Variants in COL22A1 observed in about 807,000 individuals in gnomAD.
The protein encoded by COL22A1 is collagen type XXII alpha 1 chain.
Under a neutral mutation model 248.9 loss-of-function variants are expected in COL22A1, and 221 were observed. The ratio of observed to expected loss-of-function variants is 0.89; its 90% CI spans 0.80 to 0.99. The LOEUF is 0.99. Ranked by LOEUF, COL22A1 falls within the 50% of genes least tolerant of loss-of-function variation. The pLI is 0.00. For synonymous variants in COL22A1, 891 were observed against 793.4 expected (o/e 1.12, Z -2.07); for missense variants, 2,240 against 2,179.0 (o/e 1.03, Z -0.56).
intron 30 of COL22A1, among the ~76,000 whole-genome samples, chr8:138,714,730 A>T (rs1417500859): frequency 6.6e-6 from 1 of 152,154 alleles, no homozygotes; most frequent in Non-Finnish European, 1.5e-5. Context: ...ATGCCAACGA[A>T]GCCTCTCTGT....
intron 28 of COL22A1, 69 bp from the exon 29 acceptor site, chr8:138,716,358 T>C (rs1406690060): frequency 4.7e-6 from 5 of 1,074,780 alleles, no homozygotes; most frequent in Non-Finnish European, 6.9e-6. Flanking sequence ...GCAGGCCATG[T>C]GCTCTCAGTT....
At chr8:138,886,956 G>A (rs1389459290) in intron 1 of COL22A1, among the ~76,000 whole-genome samples, 1 of 151,964 alleles carries the variant, frequency 6.6e-6, no homozygotes, top group African/African-American at 2.4e-5. Context: ...ATGTATTTAT[G>A]GGGTACATGA....
intron 32 of COL22A1, among the ~76,000 whole-genome samples, chr8:138,695,938 A>G (rs1586482694): frequency 6.6e-6 from 1 of 151,988 alleles, no homozygotes; most frequent in South Asian, 2.1e-4. Context: ...TCAGCTTCAG[A>G]CCCATACAGC....
chr8:138,690,759 G>A lies in COL22A1; in HGVS notation c.2808+62C>T, dbSNP rs935851372. Reference sequence around the variant, plus strand: ...ATGTATCCTACGCCTCTGGCTTTTGGGGAGGATACATTAACTAGCTTGGTG... The same window carrying A: ...ATGTATCCTACGCCTCTGGCTTTTGAGGAGGATACATTAACTAGCTTGGTG... On this transcript the variant is annotated intron_variant, in intron 36 of 64. Coordinates refer to ENST00000303045, the MANE Select transcript of COL22A1 (RefSeq NM_152888.3). 4 of 1,373,576 alleles carry A rather than the reference G, an allele frequency of 2.9e-6. No homozygotes were observed. The African/African-American group carries it at 4.3e-5, about 15-fold the overall frequency. The allele number at this position is 1,373,576 out of a possible 1,614,324, so 85.1% of individuals were successfully genotyped here. A position where few individuals can be genotyped will look rare whatever the true frequency, so the allele number is the denominator to read the frequency against.
chr8:138,589,417 C>T lies in COL22A1; in HGVS notation c.4717G>A (p.Ala1573Thr). 1 of 1,577,250 alleles carries T rather than the reference C, an allele frequency of 6.3e-7. No individual in the cohort carries two copies. The highest frequency in any genetic ancestry group is 8.6e-7 in the Non-Finnish European group (1 of 1,162,898). ...IPGQPGEPGYAKDGLPGIPGP... is the reference protein window; with the variant it reads ...IPGQPGEPGYTKDGLPGIPGP... ...GGGATCCCAGGAAGTCCATCTTTAG[C>T]ATAGCCAGGTTCCCCGGGTTGACCT... Residue 1573 changes from alanine to threonine, a missense_variant, in exon 65 of 65, where the codon GCT (alanine) becomes ACT (threonine). Coordinates refer to ENST00000303045, the MANE Select transcript of COL22A1 (RefSeq NM_152888.3).
Position 138,877,938 on chromosome 8 carries a change from A to G in COL22A1, c.470T>C (p.Leu157Pro). Residue 157 changes from leucine to proline, a missense_variant, in exon 3 of 65, where the codon CTG becomes CCG. By Grantham distance (98) the Leu-to-Pro change is moderately conservative (BLOSUM62 -3). Transcript: ENST00000303045. The part of the protein sequence containing the change: ...ILLTDGRSQD[L>P]VLDAAAAAHR... ...GGCTGCCGCCGCGGCGTCCAGCACC[A>G]GGTCCTGGCTGCGGCCGTCGGTGAG... 1 of 1,603,912 alleles carries G rather than the reference A, an allele frequency of 6.2e-7. No individual in the cohort carries two copies. Among genetic ancestry groups the G allele is most frequent in the Non-Finnish European group, 8.5e-7 (1 of 1,175,058 alleles).
intron 56 of COL22A1, among the ~76,000 whole-genome samples, chr8:138,609,906 C>T (rs1475585236): frequency 6.6e-6 from 1 of 152,068 alleles, no homozygotes; most frequent in Non-Finnish European, 1.5e-5. Flanking sequence ...TGCTGTCCCT[C>T]GCCAAGCCCC....
intron 49 of COL22A1, among the ~76,000 whole-genome samples, chr8:138,633,195 T>C (rs1587720758): frequency 6.6e-6 from 1 of 152,220 alleles, no homozygotes; most frequent in Non-Finnish European, 1.5e-5. Context: ...CTGCTGAACC[T>C]AAACAGGCAG....
chr8:138,875,710 C>A (rs1449494995), intron 3 of COL22A1, among the ~76,000 whole-genome samples: 6 of 152,146 alleles, frequency 3.9e-5, no homozygotes, highest in African/African-American at 1.4e-4. Context: ...CCTAACCCAT[C>A]CCCTCTCAGG....
chr8:138,697,330 T>G (rs1034181832), intron 32 of COL22A1, among the ~76,000 whole-genome samples: 1 of 152,194 alleles, frequency 6.6e-6, no homozygotes, highest in African/African-American at 2.4e-5. Flanking sequence ...TGAAGCCTCC[T>G]TAGCAGGGTG....
intron 3 of COL22A1, among the ~76,000 whole-genome samples, chr8:138,846,229 G>A (rs565462664): frequency 1.3e-5 from 2 of 152,156 alleles, no homozygotes; most frequent in South Asian, 2.1e-4. Flanking sequence ...AAGTTTGGCA[G>A]CCTGCCAGAG....
rs1055378109 is a variant in COL22A1, at chr8:138,606,243, G to A, written c.4104+138C>T. On this transcript the variant is annotated intron_variant, in intron 58 of 64. Transcript: ENST00000303045. ...ACTCCACTGTCTCTTAAACCATGAT[G>A]CAACTTTGACCCCACACAGGTCATC... 5 of 746,376 alleles carry A rather than the reference G, an allele frequency of 6.7e-6. No individual in the cohort carries two copies. The African/African-American group carries it at 8.8e-5, about 13-fold the overall frequency. 46.2% of individuals were successfully genotyped at this position (746,376 alleles called of 1,614,324 possible).
chr8:138,811,292 CACAT>C (rs1347675304), intron 9 of COL22A1, among the ~76,000 whole-genome samples: 22 of 151,080 alleles, frequency 1.5e-4, no homozygotes, highest in African/African-American at 1.7e-4. Context: ...CACACACACA[CACAT>C]ATATATATAC....
intron 21 of COL22A1, among the ~76,000 whole-genome samples, chr8:138,753,594 A>G (rs904470356): frequency 1.3e-5 from 2 of 152,216 alleles, no homozygotes; most frequent in Non-Finnish European, 2.9e-5. Flanking sequence ...CCAATTCATC[A>G]TCTAGAAATT....
At chr8:138,821,101 G>C in intron 7 of COL22A1, 35 bp downstream of exon 7, 1 of 1,602,882 alleles carries the variant, frequency 6.2e-7, no homozygotes, top group Non-Finnish European at 8.5e-7. Context: ...CCGGTGGCCT[G>C]GAACCTGGGC....
intron 64 of COL22A1, 60 bp downstream of exon 64, chr8:138,591,364 G>A (rs1386739268): frequency 7.6e-7 from 1 of 1,312,360 alleles, no homozygotes; most frequent in Non-Finnish European, 1.0e-6. Context: ...CCACGGGCAG[G>A]GGTGCTGGGT....
intron 45 of COL22A1, among the ~76,000 whole-genome samples, chr8:138,654,644 T>G (rs1823060873): frequency 6.6e-6 from 1 of 152,160 alleles, no homozygotes; most frequent in Non-Finnish European, 1.5e-5. Flanking sequence ...CCTCACTTGC[T>G]GCAGCACCCC....
intron 32 of COL22A1, among the ~76,000 whole-genome samples, chr8:138,698,233 G>C (rs1379769946): frequency 6.6e-6 from 1 of 152,240 alleles, no homozygotes; most frequent in African/African-American, 2.4e-5. Flanking sequence ...GGGACAGGCA[G>C]TGTGATGGGA....
At chr8:138,725,504 G>A in intron 23 of COL22A1, 64 bp from the exon 24 acceptor site, 1 of 1,374,822 alleles carries the variant, frequency 7.3e-7, no homozygotes, top group Non-Finnish European at 1.0e-6. Context: ...GGGACAGTGG[G>A]CATTTGAAAG....
Sources: allele counts gnomAD v4.1 joint callset (sites outside exome capture counted in the v4.1 genomes callset), GRCh38; gene constraint gnomAD v4.1.1; transcripts MANE v1.5; gene names NCBI Gene and HGNC (gene_info 2026-07-23, HGNC 2026-07-21).